The following SBF2 variants were observed in gnomAD, a reference collection of about 807,000 sequenced individuals.
SBF2 encodes the protein myotubularin-related protein 13.
In SBF2, 112 loss-of-function variants were observed where a neutral mutation model predicts 225.2. That is an observed-to-expected ratio of 0.50 (90% CI 0.43 to 0.58). The LOEUF is 0.58. Among genes scored for constraint, SBF2 ranks in the 20% least tolerant of loss-of-function variants. The pLI is 0.00. For missense variants in SBF2, 1,996 were observed against 2,206.2 expected (o/e 0.90, Z 1.91); for synonymous variants, 763 against 773.3 (o/e 0.99, Z 0.22).
At chr11:10,065,847 C>T (rs1450687831) in intron 2 of SBF2, among the ~76,000 whole-genome samples, 1 of 152,046 alleles carries the variant, frequency 6.6e-6, no homozygotes, top group Admixed American at 6.6e-5. Context: ...ACTCAGGAGG[C>T]TGAGGCAGGA....
chr11:10,058,461 A>C (rs1461958118), intron 2 of SBF2, among the ~76,000 whole-genome samples: 1 of 152,224 alleles, frequency 6.6e-6, no homozygotes, highest in African/African-American at 2.4e-5. Flanking sequence ...TCAGACAAAA[A>C]TAAGGAAAAA....
chr11:10,083,534 C>T (rs1951444260), intron 2 of SBF2, among the ~76,000 whole-genome samples: 1 of 152,034 alleles, frequency 6.6e-6, no homozygotes, highest in South Asian at 2.1e-4. Flanking sequence ...AAAATAGATA[C>T]AGATCAATGG....
chr11:9,925,557 T>C (rs971809348), intron 16 of SBF2, among the ~76,000 whole-genome samples: 11 of 152,240 alleles, frequency 7.2e-5, no homozygotes, highest in Admixed American at 4.6e-4. Context: ...ATTATAGGCG[T>C]GAGCCACCGT....
At chr11:10,121,048 G>C (rs950017500) in intron 2 of SBF2, among the ~76,000 whole-genome samples, 1 of 152,210 alleles carries the variant, frequency 6.6e-6, no homozygotes, top group Non-Finnish European at 1.5e-5. Flanking sequence ...TTACAGGCTT[G>C]AGCCATCACG....
upstream of SBF2, chr11:10,294,291 G>A (rs1249881343): frequency 2.8e-6 from 1 of 361,056 alleles, no homozygotes; most frequent in Non-Finnish European, 4.9e-6. Context: ...CCCAAGCCCG[G>A]GCGGCGAGCC....
intron 6 of SBF2, among the ~76,000 whole-genome samples, chr11:10,014,548 T>C (rs1948581597): frequency 6.6e-6 from 1 of 150,454 alleles, no homozygotes; most frequent in Admixed American, 6.6e-5. Flanking sequence ...AGTTCACTAT[T>C]TGTTTGCAAT....
chr11:10,269,041 A>G (rs59928017), intron 1 of SBF2, among the ~76,000 whole-genome samples: 3,214 of 152,286 alleles, frequency 0.021, 87 homozygotes, highest in African/African-American at 0.063. Flanking sequence ...TGAAGGAAGT[A>G]GGTATACTCC....
At chr11:9,905,527 C>T (rs1862055208) in intron 16 of SBF2, among the ~76,000 whole-genome samples, 1 of 152,164 alleles carries the variant, frequency 6.6e-6, no homozygotes, top group Admixed American at 6.5e-5. Flanking sequence ...TCAGGAATCT[C>T]TTTATCCCAG....
At chr11:10,300,994 C>T (rs1964594497) in intron 1 of SBF2, among the ~76,000 whole-genome samples, 1 of 152,098 alleles carries the variant, frequency 6.6e-6, no homozygotes, top group South Asian at 2.1e-4. Flanking sequence ...CTTATTTAAG[C>T]TTCAGGGAGG....
In SBF2 at chr11:9,808,979, A is replaced by G; in HGVS notation, c.4179T>C (p.Ala1393=). The change falls in exon 31 of 40, where the codon GCT becomes GCC. Residue 1393 remains alanine, a synonymous_variant. Transcript: ENST00000256190. ...TCTCAAGTACTTCTGATACAACCAC[A>G]GCCAGCTGCATTATCCTGTGAAGCT... ...FPQLHRIMQL[A]VVVSEVLENG... is the part of the protein sequence containing the mutation. 1 of 1,614,004 alleles carries G rather than the reference A, an allele frequency of 6.2e-7. No individual in the cohort carries two copies. The highest frequency in any genetic ancestry group is 8.5e-7 in the Non-Finnish European group (1 of 1,179,890).
intron 1 of SBF2, among the ~76,000 whole-genome samples, chr11:10,302,375 ACACT>A (rs1437654728): frequency 2.0e-5 from 3 of 152,248 alleles, no homozygotes; most frequent in East Asian, 1.9e-4. Context: ...GCTCGCGCAC[ACACT>A]CACTCACTCC....
At chr11:10,180,666 C>T (rs1565326230) in intron 2 of SBF2, among the ~76,000 whole-genome samples, 1 of 152,058 alleles carries the variant, frequency 6.6e-6, no homozygotes, top group African/African-American at 2.4e-5. Flanking sequence ...ACTTTCTACC[C>T]CTATCTCTCT....
At chr11:9,833,139 A>C (rs1310449424) in intron 26 of SBF2, among the ~76,000 whole-genome samples, 1 of 152,204 alleles carries the variant, frequency 6.6e-6, no homozygotes, top group Non-Finnish European at 1.5e-5. Flanking sequence ...AAAAACCAAA[A>C]CCAAATTATT....
intron 28 of SBF2, among the ~76,000 whole-genome samples, chr11:9,824,229 G>C (rs1703536319): frequency 6.6e-6 from 1 of 152,210 alleles, no homozygotes; most frequent in East Asian, 1.9e-4. Flanking sequence ...CCAAGAGTTG[G>C]AGGCCAGTGT....
intron 13 of SBF2, among the ~76,000 whole-genome samples, chr11:9,989,052 A>ATATATATATATATATATG (rs1347138364): frequency 7.4e-4 from 112 of 151,636 alleles, no homozygotes; most frequent in African/African-American, 2.6e-3. Context: ...ATATATATAT[A>ATATATATATATATATATG]TATACATATG....
At chr11:10,153,267 G>C (rs916248701) in intron 2 of SBF2, among the ~76,000 whole-genome samples, 7 of 152,160 alleles carry the variant, frequency 4.6e-5, no homozygotes, top group African/African-American at 1.7e-4. Context: ...TTAAGCAGTA[G>C]AGGCCAAGGT....
intron 13 of SBF2, among the ~76,000 whole-genome samples, chr11:9,973,741 T>C (rs1946557245): frequency 6.6e-6 from 1 of 152,082 alleles, no homozygotes. Context: ...AATACAAGGC[T>C]TGAAACTAAT....
chr11:9,962,216 T>A (rs1197044814), intron 15 of SBF2, 110 bp from the exon 16 acceptor site: 12 of 946,808 alleles, frequency 1.3e-5, no homozygotes, highest in Admixed American at 5.8e-5. Flanking sequence ...TTTAACATAG[T>A]TATTAGTAAA....
chr11:10,210,384 A>G (rs1957896049), intron 1 of SBF2, among the ~76,000 whole-genome samples: 1 of 151,090 alleles, frequency 6.6e-6, no homozygotes, highest in African/African-American at 2.4e-5. Context: ...GAGGAGGAGG[A>G]AGAGAAGGAG....
Sources: allele counts gnomAD v4.1 joint callset (sites outside exome capture counted in the v4.1 genomes callset), GRCh38; gene constraint gnomAD v4.1.1; transcripts MANE v1.5; gene names NCBI Gene and HGNC (gene_info 2026-07-23, HGNC 2026-07-21).